The following CACNA1C variants were observed in gnomAD, a reference collection of about 807,000 sequenced individuals.
CACNA1C encodes the protein voltage-dependent L-type calcium channel subunit alpha-1C.
A neutral mutation model predicts 229.0 loss-of-function variants in CACNA1C; 30 were observed. The ratio of observed to expected loss-of-function variants is 0.13; its 90% CI spans 0.10 to 0.18. The LOEUF (loss-of-function observed/expected upper bound fraction) is 0.18. CACNA1C is among the 10% of genes least tolerant of loss of function. The pLI, the probability that CACNA1C is intolerant of heterozygous loss-of-function variation, is 1.00. For missense variants in CACNA1C, 1,658 were observed against 2,845.0 expected (o/e 0.58, Z 9.49); for synonymous variants, 1,114 against 1,132.5 (o/e 0.98, Z 0.33).
intron 7 of CACNA1C, among the ~76,000 whole-genome samples, chr12:2,501,209 C>CAAAAAAAAAAAAAAAAAAAA (rs59324696): frequency 6.4e-5 from 2 of 31,386 alleles, no homozygotes; most frequent in Non-Finnish European, 1.0e-4. Context: ...GACTCCACCT[C>CAAAAAAAAAAAAAAAAAAAA]AAAAAAAAAA....
At chr12:2,515,075 G>C (rs1374542088) in intron 9 of CACNA1C, among the ~76,000 whole-genome samples, 1 of 152,212 alleles carries the variant, frequency 6.6e-6, no homozygotes, top group Non-Finnish European at 1.5e-5. Context: ...CTTACGGCTG[G>C]AGGAGCCCTG....
In CACNA1C at chr12:2,610,632, A is replaced by C. The variant is rs2077221101; in HGVS notation, c.3650A>C (p.Asn1217Thr). Residue 1217 changes from asparagine to threonine, a missense_variant, in exon 28 of 47, where the codon AAC (asparagine) becomes ACC (threonine). Transcript: ENST00000399655. ...CAGTACAAAGTGTGGTACGTGGTCA[A>C]CTCCACCTACTTCGAGTACCTGATG... ...QHQYKVWYVV[N>T]STYFEYLMFV... The C allele has an allele frequency of 1.2e-6, 2 of 1,614,024 alleles. No individual in the cohort carries two copies. Among genetic ancestry groups the C allele is most frequent in the Non-Finnish European group, 1.7e-6 (2 of 1,179,982 alleles).
At chr12:2,452,510 C>T (rs1438620976) in intron 4 of CACNA1C, among the ~76,000 whole-genome samples, 1 of 152,178 alleles carries the variant, frequency 6.6e-6, no homozygotes, top group Non-Finnish European at 1.5e-5. Context: ...CACTGCCGGA[C>T]TACAGATCTG....
chr12:2,121,168 C>G (rs1170290065), intron 3 of CACNA1C, among the ~76,000 whole-genome samples: 1 of 152,216 alleles, frequency 6.6e-6, no homozygotes, highest in Admixed American at 6.5e-5. Flanking sequence ...GGGAAAATCC[C>G]GTCTCTTTCT....
At chr12:2,002,904 C>T (rs2042503518) in intron 1 of CACNA1C, among the ~76,000 whole-genome samples, 2 of 150,164 alleles carry the variant, frequency 1.3e-5, no homozygotes, top group Non-Finnish European at 2.9e-5. Flanking sequence ...CTCGAAAAAA[C>T]AAACAAACAA....
chr12:2,658,859 T>TA (rs796138489), intron 34 of CACNA1C, among the ~76,000 whole-genome samples: 26 of 143,858 alleles, frequency 1.8e-4, no homozygotes, highest in Admixed American at 2.8e-4. Flanking sequence ...AAGCTAAAAT[T>TA]AAAAAAAAAA....
At chr12:2,111,917 C>T (rs1400512688) in intron 1 of CACNA1C, among the ~76,000 whole-genome samples, 6 of 152,092 alleles carry the variant, frequency 3.9e-5, no homozygotes, top group Admixed American at 6.5e-5. Context: ...GATGCTGTCA[C>T]GTGGAGATCA....
intron 3 of CACNA1C, among the ~76,000 whole-genome samples, chr12:2,205,971 G>A (rs143579843): frequency 9.1e-4 from 139 of 152,246 alleles, no homozygotes; most frequent in African/African-American, 3.2e-3. Flanking sequence ...AATTGCCTAC[G>A]AAAGCCCCTC....
In CACNA1C at chr12:2,685,764, C is replaced by A; in HGVS notation, c.5602C>A (p.Gln1868Lys). ...MLSYQDDENR[Q>K]LTLPEEDKRD... ...CTCCTACCAGGATGACGAAAATCGGCAACTGACGCTCCCAGAGGAGGACAA... is the reference window on the plus strand; with the variant it reads ...CTCCTACCAGGATGACGAAAATCGGAAACTGACGCTCCCAGAGGAGGACAA... The change falls in exon 44 of 47, where the codon CAA (glutamine) becomes AAA (lysine). Residue 1868 changes from glutamine to lysine, a missense_variant. Gln to Lys is a moderately conservative substitution (Grantham distance 53). Transcript: ENST00000399655. 6.2e-7 allele frequency: 1 copy of A among 1,613,740 alleles called. No individual in the cohort carries two copies. The highest frequency in any genetic ancestry group is 8.5e-7 in the Non-Finnish European group (1 of 1,179,662).
chr12:2,456,135 T>A (rs2099416780), intron 4 of CACNA1C, among the ~76,000 whole-genome samples: 1 of 152,234 alleles, frequency 6.6e-6, no homozygotes, highest in South Asian at 2.1e-4. Flanking sequence ...TCATCATTCC[T>A]GTTGCTCATG....
At chr12:1,973,027 T>C (rs1565786942) in intron 1 of CACNA1C, among the ~76,000 whole-genome samples, 1 of 152,236 alleles carries the variant, frequency 6.6e-6, no homozygotes, top group Non-Finnish European at 1.5e-5. Flanking sequence ...CCATTTGGAA[T>C]GTTTGCACTC....
At chr12:2,514,760 C>A (rs960759400) in intron 9 of CACNA1C, among the ~76,000 whole-genome samples, 1 of 152,104 alleles carries the variant, frequency 6.6e-6, no homozygotes, top group Admixed American at 6.5e-5. Context: ...GGTTATCCAC[C>A]GAGATAACAG....
In CACNA1C at chr12:2,034,279, T is replaced by A. The variant is rs1485552360; in HGVS notation, c.139+63078T>A. Among the ~76,000 whole-genome samples, 9 of 152,236 alleles carry A rather than the reference T, an allele frequency of 5.9e-5. No individual in the cohort carries two copies. The highest frequency in any genetic ancestry group is 1.3e-4 in the Non-Finnish European group (9 of 68,036). On this transcript the variant is annotated intron_variant, in intron 1 of 46. Transcript: ENST00000682462. This position sits in a 1 kb window ranked among gnomAD's most constrained non-coding sequence, Gnocchi z 4.1. ...CCAAGTCCTTTTAGATCCAAGGCCG[T>A]GTTCCTTTTTGTAAGCCTCCCTGGT...
In CACNA1C at chr12:2,604,050, G is replaced by A. The variant is rs369998352; in HGVS notation, c.2961-1031G>A. Among the ~76,000 whole-genome samples, 110 of 116,014 alleles carry A rather than the reference G, an allele frequency of 9.5e-4. No homozygotes were observed. The Middle Eastern group carries it at 0.043, about 46-fold the overall frequency. The allele number at this position is 116,014 out of a possible 152,430, so 76.1% of individuals were successfully genotyped here. The stretch of plus-strand genomic sequence containing the variant: ...TCCTTCTGGGTCGGGGCAGGATCCC[G>A]TCTGCAACAGGAGTCTGAGGATCTA... On this transcript the variant is annotated intron_variant, in intron 22 of 46. Coordinates refer to ENST00000399655, the MANE Select transcript of CACNA1C (RefSeq NM_000719.7).
chr12:2,007,209 A>C (rs1353957851), intron 1 of CACNA1C, among the ~76,000 whole-genome samples: 3 of 152,222 alleles, frequency 2.0e-5, no homozygotes, highest in Non-Finnish European at 4.4e-5. Context: ...TCCCTCGTAC[A>C]TATAATGAGG....
At chr12:2,035,538 C>T (rs927271310) in intron 1 of CACNA1C, among the ~76,000 whole-genome samples, 1 of 152,212 alleles carries the variant, frequency 6.6e-6, no homozygotes, top group Non-Finnish European at 1.5e-5. Flanking sequence ...CTCTTCTGTG[C>T]AGACACCTTC....
rs78114799 is a variant in CACNA1C at position 2,636,712 on chromosome 12, A to G, written c.3912+2332A>G. 1.8e-3 allele frequency among the ~76,000 whole-genome samples: 272 copies of G among 152,304 alleles called. 10 individuals carry two copies. In the East Asian group the frequency reaches 0.047, roughly 26 times the overall value. On this transcript the variant is annotated intron_variant, in intron 30 of 46. Coordinates refer to ENST00000399655, the MANE Select transcript of CACNA1C (RefSeq NM_000719.7). ...CTGTACTCCACAGTGCCTTTTGGTA[A>G]AGAGAAACCTCACCTGTCCCTCCTG...
At chr12:2,106,458 G>C (rs2078641966) in intron 1 of CACNA1C, among the ~76,000 whole-genome samples, 3 of 101,706 alleles carry the variant, frequency 2.9e-5, no homozygotes, top group Non-Finnish European at 6.5e-5. Context: ...ACCTCAGCTG[G>C]GGTGTCCTGA....
chr12:2,304,587 C>T (rs1448557554), intron 3 of CACNA1C, among the ~76,000 whole-genome samples: 1 of 152,064 alleles, frequency 6.6e-6, no homozygotes, highest in East Asian at 1.9e-4. Context: ...CATGACCTGG[C>T]CCCAGGGCAG....
Sources: gnomAD v4.1 joint callset for allele counts (sites outside exome capture counted in the v4.1 genomes callset) on GRCh38, gnomAD v4.1.1 for gene constraint, Gnocchi (gnomAD v3.1) non-coding constraint, MANE v1.5 for transcripts, NCBI Gene and HGNC (gene_info 2026-07-23, HGNC 2026-07-21) for gene names.